SNX29: variants seen among roughly 807,000 people sequenced by gnomAD.
SNX29 encodes the protein sorting nexin-29.
In SNX29, 78 loss-of-function variants were observed where a neutral mutation model predicts 102.1. That is an observed-to-expected ratio of 0.76 (90% CI 0.64 to 0.92). The LOEUF (loss-of-function observed/expected upper bound fraction) is 0.92, where lower values mean the gene tolerates loss of function less well. Among genes scored for constraint, SNX29 ranks in the 40% least tolerant of loss-of-function variants. The pLI, the probability that SNX29 is intolerant of heterozygous loss-of-function variation, is 0.00. For missense variants in SNX29, 1,280 were observed against 1,061.7 expected (o/e 1.21, Z -2.86); for synonymous variants, 580 against 414.5 (o/e 1.40, Z -4.85).
chr16:12,545,168 G>C (rs62026958), intron 20 of SNX29, among the ~76,000 whole-genome samples: 57,098 of 151,926 alleles, frequency 0.38, 10,890 homozygotes, highest in East Asian at 0.59. Flanking sequence ...TCTGCCAGCC[G>C]TCAGAGAAAC....
At chr16:12,554,904 G>A (rs766701131) in intron 20 of SNX29, among the ~76,000 whole-genome samples, 10 of 152,168 alleles carry the variant, frequency 6.6e-5, no homozygotes, top group Non-Finnish European at 7.4e-5. Context: ...GACAGGCAGT[G>A]CAGGGGAGAG....
At chr16:12,177,487 A>G (rs1419388534) in intron 13 of SNX29, among the ~76,000 whole-genome samples, 1 of 152,098 alleles carries the variant, frequency 6.6e-6, no homozygotes, top group Non-Finnish European at 1.5e-5. Flanking sequence ...GTGTGTGTTT[A>G]TCTGTGTAGG....
intron 14 of SNX29, among the ~76,000 whole-genome samples, chr16:12,258,221 C>G (rs1649575786): frequency 1.3e-5 from 2 of 152,196 alleles, no homozygotes; most frequent in Non-Finnish European, 2.9e-5. Flanking sequence ...GCCTCCAGCC[C>G]CGTGTCATCT....
chr16:12,264,633 T>C (rs1020975365), intron 14 of SNX29, among the ~76,000 whole-genome samples: 3 of 152,160 alleles, frequency 2.0e-5, no homozygotes, highest in South Asian at 2.1e-4. Flanking sequence ...AATACAAAAA[T>C]TAGCCGGACG....
At chr16:12,559,809 C>T (rs1162167757) in intron 20 of SNX29, among the ~76,000 whole-genome samples, 1 of 152,140 alleles carries the variant, frequency 6.6e-6, no homozygotes, top group Admixed American at 6.5e-5. Context: ...ATCTTCCAGG[C>T]CATTTCCATC....
At chr16:12,494,981 C>T (rs2088743594) in intron 19 of SNX29, among the ~76,000 whole-genome samples, 1 of 152,174 alleles carries the variant, frequency 6.6e-6, no homozygotes, top group Non-Finnish European at 1.5e-5. Flanking sequence ...CATTTAATCT[C>T]GTCAGTATCC....
Position 12,028,008 on chromosome 16 carries a change from T to C in SNX29, c.247+564T>C, listed in dbSNP as rs143280408. 6.1e-3 allele frequency among the ~76,000 whole-genome samples: 930 copies of C among 152,306 alleles called. 9 individuals carry two copies. The highest frequency in any genetic ancestry group is 0.021 in the African/African-American group (881 of 41,560). On this transcript the variant is annotated intron_variant, in intron 4 of 20. Transcript: ENST00000566228. ...GTAGGGACTGTTATTACTGCCACTGTACAGATGAGGAAACTGTTCATAGTG... is the reference window on the plus strand; with the variant it reads ...GTAGGGACTGTTATTACTGCCACTGCACAGATGAGGAAACTGTTCATAGTG...
intron 1 of SNX29, among the ~76,000 whole-genome samples, chr16:11,979,500 T>G (rs925838730): frequency 2.6e-5 from 4 of 152,150 alleles, no homozygotes; most frequent in Non-Finnish European, 5.9e-5. Flanking sequence ...GTGGGGTGGG[T>G]AACTGGTACA....
In SNX29 at chr16:12,571,602, G is replaced by A; in HGVS notation, c.*2973G>A. On this transcript the variant is annotated 3_prime_UTR_variant, in exon 21 of 21. Coordinates refer to ENST00000566228, the MANE Select transcript of SNX29 (RefSeq NM_032167.5). The stretch of plus-strand genomic sequence containing the variant: ...TGGCCTGCTGTGCTGAAACAGAACA[G>A]CAGGTTCCATCTTTCACATCTTTTT... 4 of 1,060,482 alleles carry A rather than the reference G, an allele frequency of 3.8e-6. No homozygotes were observed. Among genetic ancestry groups the A allele is most frequent in the Non-Finnish European group, 4.6e-6 (4 of 876,154 alleles). The allele number at this position is 1,060,482 out of a possible 1,614,324, so 65.7% of individuals were successfully genotyped here.
intron 14 of SNX29, among the ~76,000 whole-genome samples, chr16:12,223,053 C>A (rs1014204569): frequency 6.6e-6 from 1 of 152,174 alleles, no homozygotes; most frequent in African/African-American, 2.4e-5. Context: ...CTCTTGTCTC[C>A]TTTTGACACT....
chr16:12,356,104 G>T, intron 15 of SNX29, 59 bp from the exon 16 acceptor site: 1 of 1,507,950 alleles, frequency 6.6e-7, no homozygotes, highest in East Asian at 2.4e-5. Context: ...AGAGAAGGCG[G>T]GATTGGTCCC....
intron 20 of SNX29, among the ~76,000 whole-genome samples, chr16:12,529,118 C>G (rs780996338): frequency 6.6e-6 from 1 of 152,228 alleles, no homozygotes; most frequent in African/African-American, 2.4e-5. Context: ...CTCCCAGTCT[C>G]TGTGCCTCCC....
intron 20 of SNX29, among the ~76,000 whole-genome samples, chr16:12,528,115 G>A (rs950474373): frequency 6.6e-6 from 1 of 151,700 alleles, no homozygotes; most frequent in Non-Finnish European, 1.5e-5. Context: ...GTGAGCCACC[G>A]CACCTGGCCT....
chr16:12,225,465 C>T (rs540761774), intron 14 of SNX29, among the ~76,000 whole-genome samples: 237 of 152,282 alleles, frequency 1.6e-3, no homozygotes, highest in Non-Finnish European at 2.9e-3. Flanking sequence ...ACGGGACTTT[C>T]CCTGCACAAG....
intron 20 of SNX29, among the ~76,000 whole-genome samples, chr16:12,554,973 G>A (rs965869286): frequency 2.6e-5 from 4 of 151,592 alleles, no homozygotes; most frequent in East Asian, 1.9e-4. Context: ...GGTGAGGGGG[G>A]TCAGTCAGCC....
intron 16 of SNX29, chr16:12,373,061 T>G (rs1258633440): frequency 6.6e-6 from 1 of 152,230 alleles, no homozygotes; most frequent in Non-Finnish European, 1.5e-5. Context: ...CATGTCCCCA[T>G]GATTAGTAGG....
intron 19 of SNX29, among the ~76,000 whole-genome samples, chr16:12,521,366 G>T (rs1254333250): frequency 6.6e-6 from 1 of 151,972 alleles, no homozygotes; most frequent in Non-Finnish European, 1.5e-5. Context: ...TGAGCACTTG[G>T]GAGGGACTTG....
intron 19 of SNX29, among the ~76,000 whole-genome samples, chr16:12,509,476 T>G (rs900068267): frequency 1.4e-4 from 21 of 152,182 alleles, no homozygotes; most frequent in African/African-American, 5.1e-4. Flanking sequence ...CTTCTGAAAT[T>G]ATTGGCCTTG....
At chr16:12,364,279 G>A (rs1255604973) in intron 16 of SNX29, among the ~76,000 whole-genome samples, 3 of 152,038 alleles carry the variant, frequency 2.0e-5, no homozygotes, top group South Asian at 2.1e-4. Flanking sequence ...GGCATCAAGC[G>A]ATCCTCCTGC....
Sources: gnomAD v4.1 joint callset for allele counts (sites outside exome capture counted in the v4.1 genomes callset) on GRCh38, gnomAD v4.1.1 for gene constraint, MANE v1.5 for transcripts, NCBI Gene and HGNC (gene_info 2026-07-23, HGNC 2026-07-21) for gene names.